Variants in FKBP9 observed in about 807,000 individuals in gnomAD.
FKBP9 encodes the protein peptidyl-prolyl cis-trans isomerase FKBP9.
In FKBP9, 27 loss-of-function variants were observed where a neutral mutation model predicts 55.6. The observed-to-expected ratio is 0.49, with a 90% CI of 0.36 to 0.67. FKBP9 has a LOEUF of 0.67. Among genes scored for constraint, FKBP9 ranks in the 30% least tolerant of loss-of-function variants. The pLI is 0.00. For synonymous variants in FKBP9, 267 were observed against 296.5 expected (o/e 0.90, Z 1.02); for missense variants, 539 against 742.8 (o/e 0.73, Z 3.19).
intron 1 of FKBP9, among the ~76,000 whole-genome samples, chr7:32,970,803 A>G (rs1386635738): frequency 1.3e-5 from 2 of 151,932 alleles, no homozygotes; most frequent in Non-Finnish European, 2.9e-5. Flanking sequence ...AGGGTTTTCT[A>G]TATATAAAGT....
chr7:32,972,723 C>T (rs1443388976), intron 1 of FKBP9, among the ~76,000 whole-genome samples: 2 of 152,030 alleles, frequency 1.3e-5, no homozygotes, highest in African/African-American at 2.4e-5. Context: ...CCTGTTCCCC[C>T]CCCACCCTTT....
chr7:32,970,306 C>A (rs372390776), intron 1 of FKBP9, among the ~76,000 whole-genome samples: 1 of 152,190 alleles, frequency 6.6e-6, no homozygotes, highest in African/African-American at 2.4e-5. Context: ...AAGCGATTCT[C>A]CTGTCTCAGC....
chr7:32,977,875 A>G (rs1193323970), intron 4 of FKBP9, among the ~76,000 whole-genome samples: 2 of 139,176 alleles, frequency 1.4e-5, no homozygotes, highest in African/African-American at 5.5e-5. Flanking sequence ...ATGCCCATAT[A>G]TATATATGTA....
chr7:32,988,199 A>G (rs1784612182), intron 5 of FKBP9, among the ~76,000 whole-genome samples: 1 of 152,146 alleles, frequency 6.6e-6, no homozygotes, highest in Non-Finnish European at 1.5e-5. Context: ...AAGAAAGTAT[A>G]GTGTTCAATT....
intron 6 of FKBP9, chr7:32,992,754 A>T (rs1374591022): frequency 6.4e-5 from 14 of 220,292 alleles, no homozygotes; most frequent in Non-Finnish European, 9.1e-5. Flanking sequence ...TCCATCAAAG[A>T]TTTATTGAGT....
At chr7:32,972,967 C>T (rs1162349235) in intron 1 of FKBP9, among the ~76,000 whole-genome samples, 1 of 152,158 alleles carries the variant, frequency 6.6e-6, no homozygotes, top group African/African-American at 2.4e-5. Context: ...AGTGATCCAC[C>T]GTCCTTGGCC....
intron 1 of FKBP9, among the ~76,000 whole-genome samples, chr7:32,966,633 A>G (rs1784151474): frequency 6.6e-6 from 1 of 152,348 alleles, no homozygotes; most frequent in African/African-American, 2.4e-5. Flanking sequence ...CATCACTGGA[A>G]AGAAATACCC....
chr7:32,994,208 A>G (rs188340406), intron 6 of FKBP9, among the ~76,000 whole-genome samples: 54 of 152,232 alleles, frequency 3.5e-4, no homozygotes, highest in African/African-American at 1.3e-3. Flanking sequence ...CCAAAAAGTA[A>G]CCCATAACCA....
At chr7:32,984,178 G>GT (rs397965431) in intron 5 of FKBP9, among the ~76,000 whole-genome samples, 4,798 of 149,694 alleles carry the variant, frequency 0.032, 172 homozygotes, top group African/African-American at 0.093. Flanking sequence ...CCTTTTAATG[G>GT]TTTTTTTTTC....
Position 32,957,695 on chromosome 7 carries a change from G to T in FKBP9, c.122G>T (p.Arg41Leu), listed in dbSNP as rs1251026399. 2.6e-6 allele frequency: 4 copies of T among 1,537,276 alleles called. No individual in the cohort carries two copies. In the East Asian group the frequency reaches 1.1e-4, roughly 41 times the overall value. ...GACGCGGAGCTGCAGATCGAGCGGCGCTTCGTGCCCGACGAGTGCCCGCGC... is the reference window on the plus strand; with the variant it reads ...GACGCGGAGCTGCAGATCGAGCGGCTCTTCGTGCCCGACGAGTGCCCGCGC... The part of the protein sequence containing the change: ...GSDAELQIER[R>L]FVPDECPRTV... The change falls in exon 1 of 10, where the codon CGC (arginine) becomes CTC (leucine). Residue 41 changes from arginine (R) to leucine (L), a missense_variant. Physicochemically the swap from Arg to Leu is moderately radical, Grantham distance 102. Coordinates refer to ENST00000242209, the MANE Select transcript of FKBP9 (RefSeq NM_007270.5).
At chr7:32,957,844 T>C in intron 1 of FKBP9, 50 bp downstream of exon 1, 1 of 1,334,248 alleles carries the variant, frequency 7.5e-7, no homozygotes, top group Non-Finnish European at 9.7e-7. Flanking sequence ...CGCGTCCCTC[T>C]CTCCGGACAG....
Position 32,976,419 on chromosome 7 carries a change from A to G in FKBP9, c.623A>G (p.Lys208Arg). Residue 208 changes from lysine (K) to arginine (R), a missense_variant, in exon 4 of 10, where the codon AAA becomes AGA. Physicochemically the swap from Lys to Arg is conservative, Grantham distance 26. Transcript: ENST00000242209. ...GIGWLIPGMD[K>R]GLLGMCVGEK... Reference sequence around the variant, plus strand: ...GGCTGGCTGATTCCTGGAATGGATAAAGGGCTGCTGGGGATGTGTGTGGGT... The same window carrying G: ...GGCTGGCTGATTCCTGGAATGGATAGAGGGCTGCTGGGGATGTGTGTGGGT... 3 of 1,613,884 alleles carry G rather than the reference A, an allele frequency of 1.9e-6. No individual in the cohort carries two copies. The highest frequency in any genetic ancestry group is 2.5e-6 in the Non-Finnish European group (3 of 1,179,850).
At chr7:32,996,052 G>A (rs1470458943) in intron 6 of FKBP9, 111 bp from the exon 7 acceptor site, 11 of 819,396 alleles carry the variant, frequency 1.3e-5, no homozygotes, top group Non-Finnish European at 2.0e-5. Context: ...GTATCTGGGT[G>A]CCCGTTTTCC....
At chr7:32,965,047 G>GC (rs1784105975) in intron 1 of FKBP9, among the ~76,000 whole-genome samples, 1 of 152,214 alleles carries the variant, frequency 6.6e-6, no homozygotes, top group African/African-American at 2.4e-5. Flanking sequence ...CAACTTTGAG[G>GC]CCCCCAAAGG....
Position 32,974,180 on chromosome 7 carries a change from T to C in FKBP9, c.222-437T>C, listed in dbSNP as rs562075680. On this transcript the variant is annotated intron_variant, in intron 1 of 9. Coordinates refer to ENST00000242209, the MANE Select transcript of FKBP9 (RefSeq NM_007270.5). ...CACCACACCTGGCTAATTATATGTA[T>C]TTATTTATTTAGTAGAGGCGGGGGG... Among the ~76,000 whole-genome samples the C allele has an allele frequency of 1.5e-4, 18 of 122,046 alleles. 1 individual carries two copies. Among genetic ancestry groups the C allele is most frequent in the African/African-American group, 6.5e-4 (18 of 27,500 alleles). 80.1% of individuals were successfully genotyped at this position (122,046 alleles called of 152,430 possible). A position where few individuals can be genotyped will look rare whatever the true frequency, so the allele number is the denominator to read the frequency against.
intron 7 of FKBP9, among the ~76,000 whole-genome samples, chr7:32,997,409 G>GGT (rs1562575409): frequency 4.6e-5 from 7 of 151,998 alleles, no homozygotes; most frequent in South Asian, 2.1e-4. Flanking sequence ...GATGGGGGGG[G>GGT]TCTCACTATG....
At chr7:32,971,282 C>G (rs1228300967) in intron 1 of FKBP9, among the ~76,000 whole-genome samples, 3 of 152,170 alleles carry the variant, frequency 2.0e-5, no homozygotes, top group African/African-American at 7.2e-5. Context: ...GAATTTTAAG[C>G]AGTAGATAAG....
At chr7:32,957,947 C>T (rs1273719737) in intron 1 of FKBP9, among the ~76,000 whole-genome samples, 153 bp downstream of exon 1, 3 of 152,252 alleles carry the variant, frequency 2.0e-5, no homozygotes, top group African/African-American at 7.2e-5. Context: ...GACCCCAGAC[C>T]CTCCGCCGCG....
At chr7:32,979,729 A>C (rs1784436495) in intron 4 of FKBP9, 1 of 711,110 alleles carries the variant, frequency 1.4e-6, no homozygotes, top group Middle Eastern at 2.5e-4. Context: ...GCAGATATTC[A>C]AAATATTCCC....
Sources: allele counts gnomAD v4.1 joint callset (sites outside exome capture counted in the v4.1 genomes callset), GRCh38; gene constraint gnomAD v4.1.1; transcripts MANE v1.5; gene names NCBI Gene and HGNC (gene_info 2026-07-23, HGNC 2026-07-21).